The following KDM2B variants were observed in gnomAD, a reference collection of about 807,000 sequenced individuals.
KDM2B encodes the protein lysine demethylase 2B, also known as lysine-specific demethylase 2B.
A neutral mutation model predicts 150.0 loss-of-function variants in KDM2B; 26 were observed. The ratio of observed to expected loss-of-function variants is 0.17; its 90% CI spans 0.13 to 0.24. KDM2B has a LOEUF of 0.24. KDM2B is among the 10% of genes least tolerant of loss of function. KDM2B has a pLI of 1.00. For missense variants in KDM2B, 1,265 were observed against 1,816.9 expected, an observed-to-expected ratio of 0.70 and a Z score of 5.52; for synonymous variants, 734 against 729.5, an observed-to-expected ratio of 1.01 and a Z score of -0.10.
Position 121,497,835 on chromosome 12 carries a change from C to T in KDM2B, c.1648-3170G>A, listed in dbSNP as rs375172037. The stretch of plus-strand genomic sequence containing the variant: ...AACTCTGGCCAGTTGCGGTGGCTCA[C>T]GCCTGTAATCCCAGCACTTTGGGAG... On this transcript the variant is annotated intron_variant, in intron 11 of 22. Coordinates refer to ENST00000377071, the MANE Select transcript of KDM2B (RefSeq NM_032590.5). 1.3e-4 allele frequency among the ~76,000 whole-genome samples: 20 copies of T among 152,054 alleles called. No homozygotes were observed. In the East Asian group the frequency reaches 3.3e-3, roughly 25 times the overall value.
At chr12:121,446,548 AC>A (rs1415671937) in intron 13 of KDM2B, among the ~76,000 whole-genome samples, 23 of 152,354 alleles carry the variant, frequency 1.5e-4, no homozygotes, top group Non-Finnish European at 1.6e-4. Flanking sequence ...GGTGACGCGT[AC>A]CAAAGGAAAA....
intron 12 of KDM2B, among the ~76,000 whole-genome samples, chr12:121,457,409 G>T (rs1878435161): frequency 2.0e-5 from 3 of 151,986 alleles, no homozygotes. Context: ...TTACAGGTGT[G>T]CGCCACCAAG....
intron 4 of KDM2B, among the ~76,000 whole-genome samples, chr12:121,553,757 G>GGCCA (rs1889689202): frequency 6.6e-6 from 1 of 152,110 alleles, no homozygotes; most frequent in Non-Finnish European, 1.5e-5. Context: ...AATCGTTGCT[G>GGCCA]GCCAGTCCCA....
At position 121,468,255 on chromosome 12, in the gene KDM2B, C is replaced by T. The variant is rs1880345455; in HGVS notation, c.1735-14911G>A. Reference sequence around the variant, plus strand: ...AAGCTGCAAAGGTTCCTAGTGCTCACTCCAGCTGCAGCCCACTCCTGAAGA... The same window carrying T: ...AAGCTGCAAAGGTTCCTAGTGCTCATTCCAGCTGCAGCCCACTCCTGAAGA... On this transcript the variant is annotated intron_variant, in intron 12 of 22. Coordinates refer to ENST00000377071, the MANE Select transcript of KDM2B (RefSeq NM_032590.5). This position sits in a 1 kb window ranked among gnomAD's most constrained non-coding sequence, Gnocchi z 4.0. 1 of 152,390 alleles carries T rather than the reference C, an allele frequency of 6.6e-6. No homozygotes were observed. Among genetic ancestry groups the T allele is most frequent in the Non-Finnish European group, 1.5e-5 (1 of 68,112 alleles). The allele number at this position is 152,390 out of a possible 1,614,324, so 9.4% of individuals were successfully genotyped here.
In KDM2B at chr12:121,441,216, A is replaced by C; in HGVS notation, c.3302T>G (p.Leu1101Trp). 6.2e-7 allele frequency: 1 copy of C among 1,614,076 alleles called. No homozygotes were observed. The change falls in exon 20 of 23, where the codon TTG (leucine) becomes TGG (tryptophan). Residue 1101 changes from leucine (L) to tryptophan (W), a missense_variant. By Grantham distance (61) the Leu-to-Trp change is moderately conservative. Around this residue, in one of 11 missense-constraint regions of KDM2B, gnomAD observed 251 missense variants for 397.8 expected, o/e 0.63. Coordinates refer to ENST00000377071, the MANE Select transcript of KDM2B (RefSeq NM_032590.5). The stretch of plus-strand genomic sequence containing the variant: ...GTGGTTCAGGTCAATGCGGGTCCAC[A>C]ACCGCTTATCGCAGCACCTGGGGAC... ...TWNRWCCDKRLWTRIDLNHCK... is the reference protein window; with the variant it reads ...TWNRWCCDKRWWTRIDLNHCK...
chr12:121,562,002 T>C (rs1407742207), intron 4 of KDM2B, among the ~76,000 whole-genome samples: 1 of 151,706 alleles, frequency 6.6e-6, no homozygotes, highest in Admixed American at 6.6e-5. Flanking sequence ...CGAAACCCTG[T>C]CTCTACTAAA....
intron 21 of KDM2B, 95 bp from the exon 22 acceptor site, chr12:121,440,170 G>T: frequency 1.2e-6 from 1 of 821,090 alleles, no homozygotes; most frequent in Non-Finnish European, 1.9e-6. Context: ...CAGCCAGACA[G>T]AACACTCAGA....
intron 13 of KDM2B, among the ~76,000 whole-genome samples, chr12:121,449,216 C>T (rs554799130): frequency 6.6e-6 from 1 of 152,122 alleles, no homozygotes; most frequent in African/African-American, 2.4e-5. Context: ...GGGCAGACTG[C>T]AGGACACCAG....
chr12:121,529,796 G>A (rs782310370), intron 8 of KDM2B, among the ~76,000 whole-genome samples: 9 of 151,934 alleles, frequency 5.9e-5, no homozygotes, highest in Non-Finnish European at 1.3e-4. Context: ...CGGGCATGGT[G>A]GCGTGTACCT....
intron 12 of KDM2B, among the ~76,000 whole-genome samples, chr12:121,485,560 C>T (rs1169314214): frequency 6.6e-6 from 1 of 152,008 alleles, no homozygotes; most frequent in Non-Finnish European, 1.5e-5. Flanking sequence ...CTCGCCCTCA[C>T]CAACTGTCCC....
chr12:121,479,769 G>A (rs566624556), intron 12 of KDM2B, among the ~76,000 whole-genome samples: 52 of 150,964 alleles, frequency 3.4e-4, no homozygotes, highest in African/African-American at 1.1e-3. Flanking sequence ...TTACAGGCAC[G>A]TGCCACCACA....
At position 121,513,497 on chromosome 12, in the gene KDM2B, G is replaced by A; in HGVS notation, c.1048-95C>T. 3 of 1,398,530 alleles carry A rather than the reference G, an allele frequency of 2.1e-6. No individual in the cohort carries two copies. The highest frequency in any genetic ancestry group is 3.0e-6 in the Non-Finnish European group (3 of 1,001,304). The allele number at this position is 1,398,530 out of a possible 1,614,324, so 86.6% of individuals were successfully genotyped here. ...GCGGGGCAGGCTCCCTGCAGGTGAGGGTCACTGTCATCATCTTAGCGAGAG... is the reference window on the plus strand; with the variant it reads ...GCGGGGCAGGCTCCCTGCAGGTGAGAGTCACTGTCATCATCTTAGCGAGAG... On this transcript the variant is annotated intron_variant, in intron 9 of 22. Transcript: ENST00000377071. This position sits in a 1 kb window ranked among gnomAD's most constrained non-coding sequence, Gnocchi z 5.0.
intron 11 of KDM2B, among the ~76,000 whole-genome samples, chr12:121,503,340 G>A (rs538060069): frequency 2.2e-4 from 33 of 151,616 alleles, no homozygotes; most frequent in Admixed American, 6.6e-4. Context: ...ACCAAGGCTG[G>A]AGTACAGTGG....
chr12:121,534,298 G>A (rs1033041856), intron 7 of KDM2B, among the ~76,000 whole-genome samples, 199 bp downstream of exon 7: 3 of 151,096 alleles, frequency 2.0e-5, no homozygotes, highest in Non-Finnish European at 4.4e-5. Flanking sequence ...GCAGTGAGCC[G>A]AGATTGCACC....
chr12:121,516,531 T>C, intron 9 of KDM2B: 1 of 1,429,128 alleles, frequency 7.0e-7, no homozygotes, highest in East Asian at 3.1e-5. Context: ...CTGGGGACAT[T>C]AAACATACGG....
intron 12 of KDM2B, among the ~76,000 whole-genome samples, chr12:121,464,861 G>A (rs1161877332): frequency 6.6e-6 from 1 of 152,166 alleles, no homozygotes; most frequent in Non-Finnish European, 1.5e-5. Context: ...AGAGACCCTC[G>A]CTGTGCTTTG....
At chr12:121,439,823 T>G (rs372622386) in intron 22 of KDM2B, 34 bp downstream of exon 22, 5 of 1,506,812 alleles carry the variant, frequency 3.3e-6, no homozygotes, top group East Asian at 2.3e-5. Context: ...TCCCACGGAG[T>G]GTTAGGCAGA....
intron 4 of KDM2B, among the ~76,000 whole-genome samples, chr12:121,572,092 C>G (rs1035938176): frequency 1.3e-5 from 2 of 152,074 alleles, no homozygotes; most frequent in African/African-American, 4.8e-5. Context: ...CAGCTATTCT[C>G]GAGGCTAAGG....
Position 121,445,260 on chromosome 12 carries a change from C to T in KDM2B, c.2103+15G>A. ...CCAGAGCGTCAGCACCACCTGTCCC[C>T]ACTGGGCCACTCACCTTAAGGCATC... On this transcript the variant is annotated intron_variant, in intron 14 of 22. Coordinates refer to ENST00000377071, the MANE Select transcript of KDM2B (RefSeq NM_032590.5). 1 of 1,612,552 alleles carries T rather than the reference C, an allele frequency of 6.2e-7. No individual in the cohort carries two copies. The highest frequency in any genetic ancestry group is 8.5e-7 in the Non-Finnish European group (1 of 1,179,058).
Sources: allele counts gnomAD v4.1 joint callset (sites outside exome capture counted in the v4.1 genomes callset), GRCh38; gene constraint gnomAD v4.1.1; regional missense constraint gnomAD v4.1.1; non-coding constraint Gnocchi (gnomAD v3.1); transcripts MANE v1.5; gene names NCBI Gene and HGNC (gene_info 2026-07-23, HGNC 2026-07-21).